DLGAP2: variants seen among roughly 807,000 people sequenced by gnomAD.
DLGAP2 encodes the protein disks large-associated protein 2.
In DLGAP2, 26 loss-of-function variants were observed where a neutral mutation model predicts 100.3. The observed-to-expected ratio is 0.26, with a 90% CI of 0.19 to 0.36. The LOEUF is 0.36. DLGAP2 is among the 10% of genes least tolerant of loss of function. DLGAP2 has a pLI of 1.00. For synonymous variants in DLGAP2, 886 were observed against 630.1 expected, an observed-to-expected ratio of 1.41 and a Z score of -6.08; for missense variants, 1,858 against 1,453.2, an observed-to-expected ratio of 1.28 and a Z score of -4.53.
chr8:1,693,291 C>A (rs1799301056), intron 13 of DLGAP2, among the ~76,000 whole-genome samples: 1 of 149,226 alleles, frequency 6.7e-6, no homozygotes, highest in Non-Finnish European at 1.5e-5. Flanking sequence ...TGCCTACACA[C>A]ATGCATACAT....
At chr8:1,679,783 A>C (rs937955273) in intron 12 of DLGAP2, among the ~76,000 whole-genome samples, 1 of 152,116 alleles carries the variant, frequency 6.6e-6, no homozygotes, top group African/African-American at 2.4e-5. Context: ...GGAGTTACAG[A>C]TCAGCCTGGC....
intron 6 of DLGAP2, among the ~76,000 whole-genome samples, chr8:1,613,226 G>T (rs1354169399): frequency 7.5e-4 from 107 of 143,560 alleles, no homozygotes; most frequent in African/African-American, 2.7e-3. Context: ...AAAATGATGA[G>T]TTCATGTCCT....
intron 2 of DLGAP2, among the ~76,000 whole-genome samples, chr8:958,497 C>T (rs1217620373): frequency 6.8e-6 from 1 of 146,172 alleles, no homozygotes; most frequent in Non-Finnish European, 1.5e-5. Context: ...GGAAGCGGCT[C>T]ATTCAGACAT....
intron 6 of DLGAP2, among the ~76,000 whole-genome samples, chr8:1,606,101 T>C (rs1796788018): frequency 6.6e-6 from 1 of 152,196 alleles, no homozygotes; most frequent in South Asian, 2.1e-4. Context: ...CTCACTGTCC[T>C]TCCTTGAGGC....
chr8:1,381,365 C>A (rs1796090960), intron 3 of DLGAP2: 1 of 152,180 alleles, frequency 6.6e-6, no homozygotes, highest in African/African-American at 2.4e-5. Flanking sequence ...ACTTATTAAA[C>A]ATTTCTGTGG....
intron 1 of DLGAP2, among the ~76,000 whole-genome samples, chr8:791,550 A>G (rs1223148480): frequency 4.6e-5 from 7 of 152,228 alleles, no homozygotes; most frequent in East Asian, 1.9e-4. Context: ...AGCATACTGT[A>G]TAATATGACT....
intron 2 of DLGAP2, among the ~76,000 whole-genome samples, chr8:1,252,666 T>A (rs961175880): frequency 6.6e-6 from 1 of 152,268 alleles, no homozygotes; most frequent in Non-Finnish European, 1.5e-5. Flanking sequence ...TGCTCTGTGC[T>A]GTGTGAGAGG....
chr8:1,171,495 C>G (rs1797127600), intron 2 of DLGAP2, among the ~76,000 whole-genome samples: 1 of 151,658 alleles, frequency 6.6e-6, no homozygotes, highest in South Asian at 2.1e-4. Context: ...TTAAAGTCTC[C>G]CATTATTAAT....
chr8:914,496 A>T (rs1798550815), intron 2 of DLGAP2, among the ~76,000 whole-genome samples: 1 of 152,224 alleles, frequency 6.6e-6, no homozygotes, highest in African/African-American at 2.4e-5. Context: ...CTTTTATTTC[A>T]TGAGGCTTGC....
intron 2 of DLGAP2, among the ~76,000 whole-genome samples, chr8:1,088,582 G>T (rs1804054636): frequency 6.6e-6 from 1 of 152,098 alleles, no homozygotes; most frequent in Admixed American, 6.5e-5. Flanking sequence ...TTTAGCTGTG[G>T]CTTCTTCCAG....
chr8:852,795 C>G (rs887060643), intron 1 of DLGAP2, among the ~76,000 whole-genome samples: 4 of 152,346 alleles, frequency 2.6e-5, no homozygotes, highest in African/African-American at 9.6e-5. Context: ...AGCACAGTTT[C>G]ATTCTGAATG....
At chr8:1,355,382 T>G (rs1801824194) in intron 3 of DLGAP2, among the ~76,000 whole-genome samples, 1 of 152,068 alleles carries the variant, frequency 6.6e-6, no homozygotes, top group Non-Finnish European at 1.5e-5. Context: ...TGTTTTTGTT[T>G]GAGATGGAGT....
At chr8:1,268,089 A>G (rs1256136976) in intron 3 of DLGAP2, among the ~76,000 whole-genome samples, 1 of 152,240 alleles carries the variant, frequency 6.6e-6, no homozygotes, top group African/African-American at 2.4e-5. Flanking sequence ...AGAATGATAT[A>G]AAATTCACAA....
intron 3 of DLGAP2, among the ~76,000 whole-genome samples, chr8:1,373,317 G>T (rs1010444801): frequency 1.3e-5 from 2 of 151,820 alleles, no homozygotes; most frequent in Admixed American, 6.6e-5. Flanking sequence ...GGCGGCAGCT[G>T]ACGGGCGGGC....
At chr8:863,520 C>A (rs73673025) in intron 1 of DLGAP2, among the ~76,000 whole-genome samples, 2,079 of 152,356 alleles carry the variant, frequency 0.014, 43 homozygotes, top group African/African-American at 0.047. Flanking sequence ...TGGATATTAA[C>A]CGCTGTCAGA....
chr8:973,815 T>C (rs925432502), intron 2 of DLGAP2, among the ~76,000 whole-genome samples: 10 of 151,212 alleles, frequency 6.6e-5, no homozygotes, highest in Non-Finnish European at 1.0e-4. Flanking sequence ...CTCGGGCCCG[T>C]GGCCCCGCGG....
chr8:949,335 C>G (rs763470875), intron 2 of DLGAP2, among the ~76,000 whole-genome samples: 2 of 152,146 alleles, frequency 1.3e-5, no homozygotes, highest in Non-Finnish European at 2.9e-5. Context: ...AGGATGGGTT[C>G]GTGGCAGACA....
chr8:1,355,810 G>A (rs943224671), intron 3 of DLGAP2, among the ~76,000 whole-genome samples: 7 of 152,008 alleles, frequency 4.6e-5, no homozygotes, highest in Admixed American at 2.6e-4. Flanking sequence ...CCCACCCCAC[G>A]GTCCTGGCCA....
chr8:1,440,063 T>G (rs1482887532), intron 3 of DLGAP2, among the ~76,000 whole-genome samples: 1 of 152,190 alleles, frequency 6.6e-6, no homozygotes, highest in African/African-American at 2.4e-5. Flanking sequence ...TCTCAACCTC[T>G]GAGCTCAGCT....
Sources: allele counts gnomAD v4.1 joint callset (sites outside exome capture counted in the v4.1 genomes callset), GRCh38; gene constraint gnomAD v4.1.1; transcripts MANE v1.5; gene names NCBI Gene and HGNC (gene_info 2026-07-23, HGNC 2026-07-21).